Variants in BET1 observed in about 807,000 individuals in gnomAD.
BET1 encodes the protein Bet1 golgi vesicular membrane trafficking protein.
BET1 carries 9 observed loss-of-function variants against 13.9 expected under a neutral mutation model. The ratio of observed to expected loss-of-function variants is 0.65; its 90% CI spans 0.39 to 1.13. BET1 has a LOEUF of 1.13. Among genes scored for constraint, BET1 ranks in the 50% most tolerant of loss-of-function variants. The pLI, the probability that BET1 is intolerant of heterozygous loss-of-function variation, is 0.01. For synonymous variants in BET1, 39 were observed against 47.3 expected (o/e 0.82, Z 0.72); for missense variants, 127 against 133.6 (o/e 0.95, Z 0.24).
chr7:93,995,231 T>C (rs1025309366), intron 3 of BET1, among the ~76,000 whole-genome samples: 5 of 152,050 alleles, frequency 3.3e-5, no homozygotes, highest in African/African-American at 1.2e-4. Flanking sequence ...CATATAGAGG[T>C]AGTAAAATGT....
chr7:93,994,314 C>A lies in BET1; in HGVS notation c.273G>T (p.Gly91=). 6.2e-7 allele frequency: 1 copy of A among 1,613,702 alleles called. No individual in the cohort carries two copies. Among genetic ancestry groups the A allele is most frequent in the Non-Finnish European group, 8.5e-7 (1 of 1,179,828 alleles). ...TMGKLKILSR[G]SQTKLLCYMM... ...TATAGCACAGCAGCTTTGTTTGGCT[C>A]CCTCTGGATAAAATCTTCAGTTTGC... Residue 91 remains glycine (G), a synonymous_variant, in exon 4 of 4, where the codon GGG becomes GGT. Transcript: ENST00000222547.
exon 7 of BET1, chr7:93,965,552 T>C (rs1450552546): frequency 6.6e-6 from 1 of 152,078 alleles, no homozygotes; most frequent in African/African-American, 2.4e-5. Flanking sequence ...CTAGAAGTGT[T>C]GGAAATACAG....
At chr7:93,993,002 C>A, downstream of BET1, 1 of 985,026 alleles carries the variant, frequency 1.0e-6, no homozygotes, top group Non-Finnish European at 1.2e-6. Flanking sequence ...AGAACCCAAA[C>A]TGACAGGTTA....
At chr7:93,980,725 C>T (rs1035091233) in intron 4 of BET1, among the ~76,000 whole-genome samples, 5 of 152,114 alleles carry the variant, frequency 3.3e-5, no homozygotes, top group Admixed American at 6.5e-5. Context: ...TACCCACCAT[C>T]GCCACTTCTA....
At chr7:94,002,505 T>C (rs1420616994) in intron 1 of BET1, among the ~76,000 whole-genome samples, 2 of 148,324 alleles carry the variant, frequency 1.3e-5, no homozygotes, top group Non-Finnish European at 3.0e-5. Context: ...AAGGAGAAGG[T>C]AGTGGGCTCT....
chr7:93,981,509 T>G (rs987070895), intron 4 of BET1, among the ~76,000 whole-genome samples: 1 of 152,044 alleles, frequency 6.6e-6, no homozygotes, highest in African/African-American at 2.4e-5. Flanking sequence ...GGAAGTAAAT[T>G]TGGGGAAAAC....
At chr7:94,003,603 A>C (rs562593289) in intron 1 of BET1, among the ~76,000 whole-genome samples, 144 of 152,322 alleles carry the variant, frequency 9.5e-4, no homozygotes, top group African/African-American at 3.2e-3. Context: ...CCAAAGGTAA[A>C]GATCAAATGT....
downstream of BET1, among the ~76,000 whole-genome samples, chr7:93,989,545 A>G (rs895644719): frequency 6.6e-6 from 1 of 152,172 alleles, no homozygotes; most frequent in African/African-American, 2.4e-5. Flanking sequence ...GTCTTGTCCC[A>G]TCTGTTACAA....
intron 4 of BET1, among the ~76,000 whole-genome samples, chr7:93,981,785 G>T (rs1351137961): frequency 6.6e-6 from 1 of 152,126 alleles, no homozygotes; most frequent in East Asian, 1.9e-4. Context: ...ACCTTCTCTT[G>T]GTCCAATCTG....
downstream of BET1, chr7:93,992,884 C>T (rs1297288863): frequency 1.0e-6 from 1 of 985,002 alleles, no homozygotes; most frequent in African/African-American, 1.7e-5. Flanking sequence ...GTGCCTCTCC[C>T]ATCACACGTC....
chr7:94,004,258 G>C lies in BET1; in HGVS notation c.-42C>G. The stretch of plus-strand genomic sequence containing the variant: ...GAGAAAAGGCGGGTGCGGGGCTTTG[G>C]GTGAGTAGGAAACAGCTAGGGGCGA... On this transcript the variant is annotated 5_prime_UTR_variant, in exon 1 of 4. Coordinates refer to ENST00000222547, the MANE Select transcript of BET1 (RefSeq NM_005868.6). 6.2e-7 allele frequency: 1 copy of C among 1,614,044 alleles called. No homozygotes were observed. The highest frequency in any genetic ancestry group is 2.2e-5 in the East Asian group (1 of 44,864).
At chr7:93,979,688 G>T (rs1344957390) in intron 4 of BET1, among the ~76,000 whole-genome samples, 1 of 152,120 alleles carries the variant, frequency 6.6e-6, no homozygotes, top group Non-Finnish European at 1.5e-5. Flanking sequence ...CCAGCATACT[G>T]CCATATGATT....
chr7:93,989,886 A>C (rs7804271), downstream of BET1, among the ~76,000 whole-genome samples: 4 of 151,974 alleles, frequency 2.6e-5, no homozygotes, highest in African/African-American at 9.7e-5. Flanking sequence ...GAGTTTAAGG[A>C]AGCTGACTAG....
intron 6 of BET1, among the ~76,000 whole-genome samples, chr7:93,969,925 T>C (rs1795232671): frequency 6.6e-6 from 1 of 151,678 alleles, no homozygotes; most frequent in Non-Finnish European, 1.5e-5. Context: ...CAATGTATAC[T>C]ATTTGAAATC....
chr7:93,966,628 AG>A (rs1328177998), intron 6 of BET1, among the ~76,000 whole-genome samples: 1 of 150,482 alleles, frequency 6.6e-6, no homozygotes, highest in African/African-American at 2.4e-5. Flanking sequence ...GGTGGGAGAT[AG>A]GGGAATATAC....
chr7:93,984,089 G>A (rs1795479672), intron 4 of BET1, among the ~76,000 whole-genome samples: 1 of 152,178 alleles, frequency 6.6e-6, no homozygotes. Context: ...CTTTCTGAGA[G>A]CTCATGGGTA....
intron 1 of BET1, chr7:93,999,519 T>A (rs1344622617): frequency 2.0e-6 from 1 of 512,778 alleles, no homozygotes. Flanking sequence ...TTCATTTTGA[T>A]ACACATTTCT....
chr7:93,995,229 G>A (rs184594215), intron 3 of BET1, among the ~76,000 whole-genome samples: 1 of 152,244 alleles, frequency 6.6e-6, no homozygotes, highest in East Asian at 1.9e-4. Context: ...ATCATATAGA[G>A]GTAGTAAAAT....
At chr7:93,987,666 G>A (rs137921729) in intron 4 of BET1, among the ~76,000 whole-genome samples, 1 of 152,222 alleles carries the variant, frequency 6.6e-6, no homozygotes, top group East Asian at 1.9e-4. Flanking sequence ...TGGTGGGAAA[G>A]GGAGAGAAAC....
Sources: allele counts gnomAD v4.1 joint callset (sites outside exome capture counted in the v4.1 genomes callset), GRCh38; gene constraint gnomAD v4.1.1; transcripts MANE v1.5; gene names NCBI Gene and HGNC (gene_info 2026-07-23, HGNC 2026-07-21).